PSG6: variants seen among roughly 807,000 people sequenced by gnomAD.
The protein encoded by PSG6 is pregnancy specific beta-1-glycoprotein 6.
A neutral mutation model predicts 43.3 loss-of-function variants in PSG6; 51 were observed. That is an observed-to-expected ratio of 1.18 (90% CI 0.94 to 1.49). PSG6 has a LOEUF of 1.49. PSG6 is among the 40% of genes most tolerant of loss of function. PSG6 has a pLI of 0.00. For synonymous variants in PSG6, 292 were observed against 197.6 expected (o/e 1.48, Z -4.01); for missense variants, 770 against 522.2 (o/e 1.47, Z -4.62).
chr19:42,902,573 C>G, intron 5 of PSG6, 127 bp from the exon 6 acceptor site: 1 of 1,307,574 alleles, frequency 7.6e-7, no homozygotes, highest in Non-Finnish European at 1.1e-6. Flanking sequence ...CTCTCTTTAA[C>G]TCCAATGGGT....
At chr19:42,906,669 C>T in intron 5 of PSG6, 1 of 1,423,426 alleles carries the variant, frequency 7.0e-7, no homozygotes, top group South Asian at 1.5e-5. Context: ...TCTTCTACCA[C>T]ATAGGGCTCA....
At chr19:42,912,997 T>C (rs376609076) in intron 2 of PSG6, among the ~76,000 whole-genome samples, 3 of 151,694 alleles carry the variant, frequency 2.0e-5, no homozygotes, top group Non-Finnish European at 1.5e-5. Flanking sequence ...AAATATTAAA[T>C]ATGAAGTTGA....
In PSG6 at chr19:42,906,954, T is replaced by C; in HGVS notation, c.1208A>G (p.Glu403Gly). The C allele has an allele frequency of 6.2e-7, 1 of 1,612,452 alleles. No individual in the cohort carries two copies. The highest frequency in any genetic ancestry group is 8.5e-7 in the Non-Finnish European group (1 of 1,179,108). Reference protein sequence around the residue: ...CSVRNSATGKEISKSMIVKVS... With the variant: ...CSVRNSATGKGISKSMIVKVS... ...TTTGACTATCATGGATTTGGAGATT[T>C]CCTTGCCAGTGGCTGAGTTACGAAC... Residue 403 changes from glutamate to glycine, a missense_variant, in exon 5 of 6, where the codon GAA becomes GGA. By Grantham distance (98) the Glu-to-Gly change is moderately conservative. Transcript: ENST00000187910.
chr19:42,907,276 A>T lies in PSG6; in HGVS notation c.986-100T>A, dbSNP rs149143628. The T allele has an allele frequency of 4.0e-6, 6 of 1,517,894 alleles. No individual in the cohort carries two copies. The East Asian group carries it at 1.4e-4, about 34-fold the overall frequency. The allele number at this position is 1,517,894 out of a possible 1,614,324, so 94.0% of individuals were successfully genotyped here. A position where few individuals can be genotyped will look rare whatever the true frequency, so the allele number is the denominator to read the frequency against. ...CAGTGACCCTCTGAACCAAGACACA[A>T]CCTCAAGTGACAGCCAAATCCCATC... On this transcript the variant is annotated intron_variant, in intron 4 of 5. Transcript: ENST00000187910.
chr19:42,912,140 T>C (rs1972239345), intron 2 of PSG6, among the ~76,000 whole-genome samples: 1 of 151,570 alleles, frequency 6.6e-6, no homozygotes, highest in African/African-American at 2.4e-5. Flanking sequence ...AATGCGCGAG[T>C]GAGCACTTCT....
chr19:42,907,523 T>A, intron 4 of PSG6, 53 bp downstream of exon 4: 1 of 1,604,278 alleles, frequency 6.2e-7, no homozygotes, highest in Non-Finnish European at 8.5e-7. Flanking sequence ...TGGCCTCTGG[T>A]CGTTTGGAGT....
rs1326857385 is a variant in PSG6 at position 42,905,843 on chromosome 19, C to T, written c.1240+1079G>A. ...CAAAAGGATAATTATTATATAATTC[C>T]ATTTATAAAAGATAGTTAGAATAGC... On this transcript the variant is annotated intron_variant, in intron 5 of 5. Coordinates refer to ENST00000187910, the MANE Select transcript of PSG6 (RefSeq NM_001031850.4). Among the ~76,000 whole-genome samples, 3 of 151,492 alleles carry T rather than the reference C, an allele frequency of 2.0e-5. No individual in the cohort carries two copies. In the East Asian group the frequency reaches 5.8e-4, roughly 29 times the overall value.
In PSG6 at chr19:42,910,249, G is replaced by A. The variant is rs189731910; in HGVS notation, c.706+331C>T. The A allele has an allele frequency of 7.3e-4, 379 of 518,220 alleles. 4 individuals are homozygous for A. The highest frequency in any genetic ancestry group is 6.5e-3 in the African/African-American group (340 of 52,076). The allele number at this position is 518,220 out of a possible 1,614,324, so 32.1% of individuals were successfully genotyped here. A position where few individuals can be genotyped will look rare whatever the true frequency, so the allele number is the denominator to read the frequency against. ...AATCCTGGTCTGTGGAAGGGACACA[G>A]TCACAGTGACCCTGTGAGCCAAGTT... On this transcript the variant is annotated intron_variant, in intron 3 of 5. Transcript: ENST00000187910.
At chr19:42,907,235 G>C (rs1228754625) in intron 4 of PSG6, 59 bp from the exon 5 acceptor site, 2 of 1,579,632 alleles carry the variant, frequency 1.3e-6, no homozygotes, top group South Asian at 1.2e-5. Context: ...GATGCTCCTG[G>C]TCTCTTAAAG....
chr19:42,907,795 C>T lies in PSG6; in HGVS notation c.766G>A (p.Val256Met), dbSNP rs142535799. 5.7e-5 allele frequency: 92 copies of T among 1,611,234 alleles called. 2 individuals carry two copies. In the Middle Eastern group the frequency reaches 3.1e-3, roughly 54 times the overall value. ...NNLNPREKKDVLAFTCEPKSR... is the reference protein window; with the variant it reads ...NNLNPREKKDMLAFTCEPKSR... ...TTAGGTTCACAGGTGAAGGCTAACA[C>T]ATCCTTCTTCTCCCTGGGGTTTAAG... The change falls in exon 4 of 6, where the codon GTG (valine) becomes ATG (methionine). Residue 256 changes from valine (V) to methionine (M), a missense_variant. Val to Met is a conservative substitution (Grantham distance 21). Transcript: ENST00000187910.
At chr19:42,911,934 C>T (rs1056681184) in intron 2 of PSG6, among the ~76,000 whole-genome samples, 20 of 151,384 alleles carry the variant, frequency 1.3e-4, no homozygotes, top group Admixed American at 1.1e-3. Context: ...CGTGGGTGTG[C>T]GGTTTCTGTT....
chr19:42,906,796 G>A lies in PSG6; in HGVS notation c.1240+126C>T, dbSNP rs766199236. On this transcript the variant is annotated intron_variant, in intron 5 of 5. Transcript: ENST00000187910. ...GATAAGTTGGGAGGGTTCAGGAGGA[G>A]AATTTGGGATTTGCTTGTGCCCATG... 5.6e-6 allele frequency: 9 copies of A among 1,600,004 alleles called. 1 individual carries two copies. Among genetic ancestry groups the A allele is most frequent in the African/African-American group, 4.0e-5 (3 of 74,190 alleles).
rs190816361 is a variant in PSG6, at chr19:42,908,800, T to A, written c.707-946A>T. Among the ~76,000 whole-genome samples the A allele has an allele frequency of 7.2e-5, 11 of 151,886 alleles. No homozygotes were observed. The East Asian group carries it at 2.1e-3, about 29-fold the overall frequency. ...GCAAATATTTTCTTTCATTGGACAT[T>A]CTACTCTCTGATTCCATGGGTTCCA... On this transcript the variant is annotated intron_variant, in intron 3 of 5. Coordinates refer to ENST00000187910, the MANE Select transcript of PSG6 (RefSeq NM_001031850.4).
Position 42,916,456 on chromosome 19 carries a change from G to C in PSG6, c.96C>G (p.Thr32=), listed in dbSNP as rs763752454. Residue 32 remains threonine (T), a synonymous_variant, in exon 2 of 6, where the codon ACC becomes ACG. Transcript: ENST00000187910. ...TGGCTTCAATTATTACTTGGGCAGT[G>C]GTGGGCAGGTTCCAGAAGTTTAAAA... ...ASLLNFWNLP[T]TAQVIIEAKP... is the part of the protein sequence containing the mutation. 6.2e-7 allele frequency: 1 copy of C among 1,611,550 alleles called. No individual in the cohort carries two copies. The highest frequency in any genetic ancestry group is 8.5e-7 in the Non-Finnish European group (1 of 1,178,898).
Position 42,910,850 on chromosome 19 carries a change from G to A in PSG6, c.436C>T (p.Pro146Ser). The stretch of plus-strand genomic sequence containing the variant: ...TTGCTGCTGGAGATGGAGGGCTTGG[G>A]AGTCTCCGCTGTGCAGAAAACAGAG... Reference protein sequence around the residue: ...YFTVTLYSETPKPSISSSNLN... With the variant: ...YFTVTLYSETSKPSISSSNLN... The change falls in exon 3 of 6, where the codon CCC (proline) becomes TCC (serine). Residue 146 changes from proline (P) to serine (S), a missense_variant. By Grantham distance (74) the Pro-to-Ser change is moderately conservative (BLOSUM62 -1). Coordinates refer to ENST00000187910, the MANE Select transcript of PSG6 (RefSeq NM_001031850.4). 1 of 1,609,228 alleles carries A rather than the reference G, an allele frequency of 6.2e-7. No individual in the cohort carries two copies. Among genetic ancestry groups the A allele is most frequent in the Non-Finnish European group, 8.5e-7 (1 of 1,177,612 alleles).
At chr19:42,906,437 G>A (rs917796445) in intron 5 of PSG6, among the ~76,000 whole-genome samples, 7 of 151,508 alleles carry the variant, frequency 4.6e-5, no homozygotes, top group African/African-American at 9.7e-5. Context: ...AGAGGAGCCC[G>A]GAGCAGAGCA....
rs1323694616 is a variant in PSG6 at position 42,910,623 on chromosome 19, TG to T, written c.662del (p.Pro221GlnfsTer2). ...CTGGGTCACTGCGGCTGGCACTCAC[TG>T]GGTTCCGTATTTCACATTCATAGGG... ...AGPYECEIRN[P>X]VSASRSDPVT... On this transcript the variant is annotated frameshift_variant, in exon 3 of 6. Transcript: ENST00000187910. LOFTEE classifies it high-confidence loss of function. 21 of 1,612,386 alleles carry T rather than the reference TG, an allele frequency of 1.3e-5. 1 individual carries two copies. The highest frequency in any genetic ancestry group is 1.5e-5 in the Non-Finnish European group (18 of 1,179,286).
At chr19:42,912,042 G>A (rs1166747459) in intron 2 of PSG6, among the ~76,000 whole-genome samples, 1 of 151,558 alleles carries the variant, frequency 6.6e-6, no homozygotes, top group Non-Finnish European at 1.5e-5. Context: ...AAAACAAAGT[G>A]TTTTGGATTT....
intron 5 of PSG6, among the ~76,000 whole-genome samples, chr19:42,904,656 G>C (rs936707100): frequency 2.0e-5 from 3 of 151,772 alleles, no homozygotes; most frequent in South Asian, 2.1e-4. Context: ...TCAATAAATT[G>C]AAAGACATTT....
Sources: gnomAD v4.1 joint callset for allele counts (sites outside exome capture counted in the v4.1 genomes callset) on GRCh38, gnomAD v4.1.1 for gene constraint, MANE v1.5 for transcripts, NCBI Gene and HGNC (gene_info 2026-07-23, HGNC 2026-07-21) for gene names.